PCDHGA9: variants seen among roughly 807,000 people sequenced by gnomAD.
PCDHGA9 encodes protocadherin gamma subfamily A, 9.
A neutral mutation model predicts 62.5 loss-of-function variants in PCDHGA9; 37 were observed. The ratio of observed to expected loss-of-function variants is 0.59; its 90% CI spans 0.46 to 0.78. The LOEUF (loss-of-function observed/expected upper bound fraction) is 0.78, where lower values mean the gene tolerates loss of function less well. PCDHGA9 is among the 30% of genes least tolerant of loss of function. The probability of loss-of-function intolerance (pLI) is 0.00; values close to 1 mark genes in which losing one functional copy is unlikely to be tolerated. For missense variants in PCDHGA9, 1,138 were observed against 1,166.2 expected (o/e 0.98, Z 0.35); for synonymous variants, 459 against 484.6 (o/e 0.95, Z 0.69).
intron 1 of PCDHGA9, among the ~76,000 whole-genome samples, chr5:141,444,150 GGATT>G (rs2098419499): frequency 1.8e-5 from 2 of 114,014 alleles, no homozygotes; most frequent in Non-Finnish European, 1.7e-5. Flanking sequence ...TGTGTGTACT[GGATT>G]TTTTTTTTTT....
intron 1 of PCDHGA9, chr5:141,423,914 A>G (rs2096790099): frequency 3.0e-5 from 38 of 1,268,116 alleles, no homozygotes; most frequent in Non-Finnish European, 3.0e-6. Flanking sequence ...GGGGCCATTC[A>G]ACTATGCTGG....
At chr5:141,494,708 C>T (rs1481947557) in intron 1 of PCDHGA9, 99 bp from the exon 2 acceptor site, 2 of 1,599,566 alleles carry the variant, frequency 1.3e-6, no homozygotes, top group Non-Finnish European at 1.7e-6. Flanking sequence ...CTTCTCTGTG[C>T]CCACTCCCCT....
At position 141,430,895 on chromosome 5, in the gene PCDHGA9, G is replaced by A. The variant is rs775296800; in HGVS notation, c.2424+25519G>A. 6.9e-6 allele frequency: 11 copies of A among 1,605,692 alleles called. No individual in the cohort carries two copies. The Admixed American group carries it at 1.0e-4, about 15-fold the overall frequency. ...AGAGCTGGAGAAAGGCTCTAGGGTG[G>A]GCGACATCTCCAGGGACCTGGGGCT... On this transcript the variant is annotated intron_variant, in intron 1 of 3. Coordinates refer to ENST00000573521, the MANE Select transcript of PCDHGA9 (RefSeq NM_018921.3).
intron 1 of PCDHGA9, among the ~76,000 whole-genome samples, chr5:141,435,696 A>G (rs932132128): frequency 1.3e-5 from 2 of 152,204 alleles, no homozygotes; most frequent in East Asian, 1.9e-4. Context: ...TGCTTATTGT[A>G]GAGTGGTTAC....
At position 141,494,824 on chromosome 5, in the gene PCDHGA9, G is replaced by C; in HGVS notation, c.2442G>C (p.Thr814=). 6.2e-7 allele frequency: 1 copy of C among 1,614,042 alleles called. No individual in the cohort carries two copies. Among genetic ancestry groups the C allele is most frequent in the East Asian group, 2.2e-5 (1 of 44,866 alleles). The change falls in exon 2 of 4, where the codon ACG becomes ACC. Residue 814 remains threonine, a synonymous_variant. Transcript: ENST00000573521. The part of the protein sequence containing the change: ...TPLVPQAPPN[T]DWRFSQAQRP... ...CTCCACAGCAAGCCCCGCCCAACAC[G>C]GACTGGCGTTTCTCTCAGGCCCAGA...
chr5:141,508,714 G>A (rs775462794), intron 3 of PCDHGA9, among the ~76,000 whole-genome samples: 16 of 151,880 alleles, frequency 1.1e-4, no homozygotes, highest in Admixed American at 2.0e-4. Context: ...ATTCTTTTCT[G>A]TGTGCAGGGA....
intron 1 of PCDHGA9, among the ~76,000 whole-genome samples, chr5:141,470,430 T>C (rs994304635): frequency 6.6e-6 from 1 of 152,232 alleles, no homozygotes; most frequent in Non-Finnish European, 1.5e-5. Flanking sequence ...TTTCCTTGTG[T>C]GCAATAATTT....
chr5:141,454,796 A>ATTTTTTTT (rs61612330), intron 1 of PCDHGA9, among the ~76,000 whole-genome samples: 1,488 of 77,444 alleles, frequency 0.019, 251 homozygotes, highest in African/African-American at 0.042. Flanking sequence ...CATGGTTCTA[A>ATTTTTTTT]TTTTTTTTTT....
intron 1 of PCDHGA9, among the ~76,000 whole-genome samples, chr5:141,473,413 G>A (rs1282997381): frequency 6.6e-6 from 1 of 152,156 alleles, no homozygotes; most frequent in Non-Finnish European, 1.5e-5. Context: ...CTTCTTCAGT[G>A]GGGGAAGCAG....
At chr5:141,499,271 T>C (rs2099790752) in intron 2 of PCDHGA9, among the ~76,000 whole-genome samples, 1 of 152,180 alleles carries the variant, frequency 6.6e-6, no homozygotes, top group South Asian at 2.1e-4. Context: ...GTCCCTAGAC[T>C]GTTCTCTGAT....
chr5:141,473,763 GGATTTGGT>G (rs1358359618), intron 1 of PCDHGA9, among the ~76,000 whole-genome samples: 73 of 152,322 alleles, frequency 4.8e-4, no homozygotes, highest in African/African-American at 1.7e-3. Context: ...ACTATGCAAA[GGATTTGGT>G]ATTTTAATTC....
In PCDHGA9 at chr5:141,404,188, A is replaced by C. The variant is rs1001365354; in HGVS notation, c.1236A>C (p.Arg412=). The change falls in exon 1 of 4, where the codon CGA becomes CGC. Residue 412 remains arginine (R), a synonymous_variant. Transcript: ENST00000573521. Reference sequence around the variant, plus strand: ...TGTTGACGGCCCAAATTCTTGACCGAGAAAAAGCCTCAGAATATAATATCA... The same window carrying C: ...TGTTGACGGCCCAAATTCTTGACCGCGAAAAAGCCTCAGAATATAATATCA... ...YRLLTAQILD[R]EKASEYNITV... is the part of the protein sequence containing the mutation. 3.7e-6 allele frequency: 6 copies of C among 1,613,398 alleles called. No individual in the cohort carries two copies. The African/African-American group carries it at 5.3e-5, about 14-fold the overall frequency.
chr5:141,429,547 A>C (rs2097222392), intron 1 of PCDHGA9, among the ~76,000 whole-genome samples: 1 of 152,196 alleles, frequency 6.6e-6, no homozygotes, highest in Non-Finnish European at 1.5e-5. Flanking sequence ...AGAACATGGT[A>C]ATGATTTGAT....
chr5:141,439,012 A>G (rs968054607), intron 1 of PCDHGA9, among the ~76,000 whole-genome samples: 4 of 151,916 alleles, frequency 2.6e-5, no homozygotes, highest in South Asian at 2.1e-4. Context: ...TTTGTTTGTC[A>G]AATTTTGAAA....
intron 1 of PCDHGA9, among the ~76,000 whole-genome samples, chr5:141,482,799 C>T (rs933003208): frequency 6.6e-6 from 1 of 152,086 alleles, no homozygotes; most frequent in Non-Finnish European, 1.5e-5. Flanking sequence ...TGGCCGGGTA[C>T]GGTGGCTCAT....
chr5:141,501,902 C>G (rs2154593013), intron 2 of PCDHGA9, among the ~76,000 whole-genome samples: 1 of 152,202 alleles, frequency 6.6e-6, no homozygotes, highest in East Asian at 1.9e-4. Flanking sequence ...GGTTCCAACC[C>G]CACTGTTCCA....
rs1225473275 is a variant in PCDHGA9 at position 141,512,442 on chromosome 5, TC to T, written c.*1271del. ...GGCCCCTGCCCTCCTGAAGCCTCAG[TC>T]CTTCACCTTGCCAGGTGCCGTTTCT... is the stretch of plus-strand genomic sequence containing the variant. On this transcript the variant is annotated 3_prime_UTR_variant, in exon 4 of 4. Transcript: ENST00000573521. 1 of 152,892 alleles carries T rather than the reference TC, an allele frequency of 6.5e-6. No individual in the cohort carries two copies. Among genetic ancestry groups the T allele is most frequent in the African/African-American group, 2.4e-5 (1 of 41,466 alleles). 9.5% of individuals were successfully genotyped at this position (152,892 alleles called of 1,614,324 possible).
intron 1 of PCDHGA9, among the ~76,000 whole-genome samples, chr5:141,460,646 C>T (rs1001365023): frequency 2.0e-5 from 3 of 151,954 alleles, no homozygotes; most frequent in African/African-American, 7.3e-5. Context: ...ACTGTGTTTA[C>T]ACATATGTAA....
intron 2 of PCDHGA9, among the ~76,000 whole-genome samples, chr5:141,504,008 C>G (rs2099835164): frequency 6.6e-6 from 1 of 152,208 alleles, no homozygotes; most frequent in South Asian, 2.1e-4. Flanking sequence ...ACTTAACTGT[C>G]TCTGCTGGTC....
Sources: allele counts gnomAD v4.1 joint callset (sites outside exome capture counted in the v4.1 genomes callset), GRCh38; gene constraint gnomAD v4.1.1; transcripts MANE v1.5; gene names NCBI Gene and HGNC (gene_info 2026-07-23, HGNC 2026-07-21).